CACNA2D3: variants seen among roughly 807,000 people sequenced by gnomAD.
The protein encoded by CACNA2D3 is calcium voltage-gated channel auxiliary subunit alpha2delta 3, also known as voltage-dependent calcium channel subunit alpha-2/delta-3.
Under a neutral mutation model 160.6 loss-of-function variants are expected in CACNA2D3, and 60 were observed. That is an observed-to-expected ratio of 0.37 (90% CI 0.30 to 0.46). CACNA2D3 has a LOEUF of 0.46. CACNA2D3 is among the 20% of genes least tolerant of loss of function. CACNA2D3 has a pLI of 1.00. For missense variants in CACNA2D3, 1,205 were observed against 1,365.0 expected (o/e 0.88, Z 1.85); for synonymous variants, 558 against 492.9 (o/e 1.13, Z -1.75).
At chr3:54,787,682 C>G (rs1009971054) in intron 13 of CACNA2D3, among the ~76,000 whole-genome samples, 1 of 152,116 alleles carries the variant, frequency 6.6e-6, no homozygotes, top group South Asian at 2.1e-4. Context: ...GTTTAGGCTT[C>G]TAGGGGTGGC....
At chr3:54,902,763 A>G (rs1475323191) in intron 27 of CACNA2D3, among the ~76,000 whole-genome samples, 1 of 152,224 alleles carries the variant, frequency 6.6e-6, no homozygotes, top group African/African-American at 2.4e-5. Flanking sequence ...CTAAAGTTCT[A>G]TCTAAAATAG....
At chr3:54,902,622 C>T (rs1259062341) in intron 27 of CACNA2D3, among the ~76,000 whole-genome samples, 1 of 152,202 alleles carries the variant, frequency 6.6e-6, no homozygotes, top group African/African-American at 2.4e-5. Flanking sequence ...TCATCCTAGC[C>T]CTGGAACCTT....
Position 54,214,143 on chromosome 3 carries a change from C to A in CACNA2D3, c.204+90549C>A, listed in dbSNP as rs193200712. Among the ~76,000 whole-genome samples the A allele has an allele frequency of 5.6e-4, 85 of 152,202 alleles. 1 individual carries two copies. The highest frequency in any genetic ancestry group is 2.0e-3 in the African/African-American group (85 of 41,522). On this transcript the variant is annotated intron_variant, in intron 2 of 37. Transcript: ENST00000474759. ...ATACCAGAGATGCCTCTGACAGGAA[C>A]AAAGCTGGCAGATTCTCATATTCCA...
At chr3:54,492,218 TGA>T (rs1486867398) in intron 4 of CACNA2D3, among the ~76,000 whole-genome samples, 1 of 152,202 alleles carries the variant, frequency 6.6e-6, no homozygotes, top group Non-Finnish European at 1.5e-5. Flanking sequence ...AGAGGAACTC[TGA>T]AGGCAAGAGG....
At chr3:54,694,387 G>C (rs1184271522) in intron 11 of CACNA2D3, among the ~76,000 whole-genome samples, 1 of 152,092 alleles carries the variant, frequency 6.6e-6, no homozygotes, top group Non-Finnish European at 1.5e-5. Context: ...ACCAAATCTT[G>C]TAATAACACA....
chr3:54,590,597 C>CTTA (rs35084465), intron 9 of CACNA2D3, among the ~76,000 whole-genome samples: 68,154 of 149,016 alleles, frequency 0.46, 16,320 homozygotes, highest in African/African-American at 0.6. Context: ...TGGCATTTCT[C>CTTA]TTATTATTAT....
At chr3:54,621,308 T>G (rs534335685) in intron 9 of CACNA2D3, among the ~76,000 whole-genome samples, 1 of 152,352 alleles carries the variant, frequency 6.6e-6, no homozygotes, top group Admixed American at 6.5e-5. Context: ...AAGGAGAGGC[T>G]TATTTCACCA....
chr3:54,662,899 CA>C (rs1489049254), intron 11 of CACNA2D3, among the ~76,000 whole-genome samples: 1 of 152,210 alleles, frequency 6.6e-6, no homozygotes, highest in African/African-American at 2.4e-5. Flanking sequence ...TATGTGATCT[CA>C]AACAAGCCAC....
intron 9 of CACNA2D3, among the ~76,000 whole-genome samples, chr3:54,589,486 C>T (rs145878965): frequency 5.3e-5 from 8 of 151,230 alleles, no homozygotes; most frequent in African/African-American, 1.7e-4. Flanking sequence ...CTAGGCAAAG[C>T]GTTCTTAGGC....
intron 9 of CACNA2D3, among the ~76,000 whole-genome samples, chr3:54,618,377 A>ATATATATATATATG (rs1261954509): frequency 1.9e-4 from 23 of 122,028 alleles, no homozygotes; most frequent in Non-Finnish European, 2.4e-4. Flanking sequence ...ATATATATGC[A>ATATATATATATATG]CACACACACA....
intron 5 of CACNA2D3, among the ~76,000 whole-genome samples, chr3:54,511,951 A>G (rs1218386556): frequency 6.6e-6 from 1 of 152,200 alleles, no homozygotes; most frequent in East Asian, 1.9e-4. Context: ...TGCAGCAGCA[A>G]CTGTTGCAGC....
chr3:54,697,446 C>T (rs575703239), intron 11 of CACNA2D3, among the ~76,000 whole-genome samples: 11 of 152,276 alleles, frequency 7.2e-5, no homozygotes, highest in East Asian at 1.9e-4. Context: ...TTTGGCTGAA[C>T]GAACTTTAGA....
At chr3:54,981,776 C>T (rs1224225330) in intron 29 of CACNA2D3, among the ~76,000 whole-genome samples, 3 of 152,338 alleles carry the variant, frequency 2.0e-5, no homozygotes, top group East Asian at 3.9e-4. Flanking sequence ...TTGCTTAGCG[C>T]CCAGTATCAA....
chr3:54,474,088 C>T (rs2884804), intron 4 of CACNA2D3, among the ~76,000 whole-genome samples: 45,666 of 152,076 alleles, frequency 0.3, 7,285 homozygotes, highest in East Asian at 0.42. Context: ...ACTATACAGA[C>T]ATATGCACGC....
chr3:54,870,016 G>A (rs1240519616), intron 17 of CACNA2D3, among the ~76,000 whole-genome samples: 1 of 152,174 alleles, frequency 6.6e-6, no homozygotes, highest in African/African-American at 2.4e-5. Flanking sequence ...TGATCAGGGT[G>A]GTAAGAGCCC....
At chr3:54,721,104 A>T (rs1039491799) in intron 11 of CACNA2D3, among the ~76,000 whole-genome samples, 1 of 152,198 alleles carries the variant, frequency 6.6e-6, no homozygotes, top group Non-Finnish European at 1.5e-5. Context: ...CCTAGAGGTT[A>T]TAACATTTAT....
intron 3 of CACNA2D3, among the ~76,000 whole-genome samples, chr3:54,364,101 G>T (rs766612009): frequency 1.2e-4 from 18 of 152,202 alleles, no homozygotes; most frequent in Admixed American, 3.9e-4. Flanking sequence ...CTCAGAGAGG[G>T]TTTGGTATGC....
At position 54,578,087 on chromosome 3, in the gene CACNA2D3, T is replaced by C. The variant is rs547783265; in HGVS notation, c.889-3716T>C. Among the ~76,000 whole-genome samples the C allele has an allele frequency of 9.3e-4, 141 of 152,278 alleles. 2 individuals are homozygous for C. The highest frequency in any genetic ancestry group is 7.7e-4 in the East Asian group (4 of 5,176). On this transcript the variant is annotated intron_variant, in intron 8 of 37. Coordinates refer to ENST00000474759, the MANE Select transcript of CACNA2D3 (RefSeq NM_018398.3). ...TGTCTTCCTAAGAGACTCTTCCCAT[T>C]TCCCAGAAATTTGCAAGAAGGACTA...
intron 2 of CACNA2D3, among the ~76,000 whole-genome samples, chr3:54,232,428 A>G (rs575987704): frequency 6.6e-6 from 1 of 152,216 alleles, no homozygotes; most frequent in Non-Finnish European, 1.5e-5. Flanking sequence ...TTGTAGGATT[A>G]CTATACTGGG....
Sources: gnomAD v4.1 joint callset for allele counts (sites outside exome capture counted in the v4.1 genomes callset) on GRCh38, gnomAD v4.1.1 for gene constraint, MANE v1.5 for transcripts, NCBI Gene and HGNC (gene_info 2026-07-23, HGNC 2026-07-21) for gene names.